The following CACNA1E variants were observed in gnomAD, a reference collection of about 807,000 sequenced individuals.
The protein encoded by CACNA1E is calcium voltage-gated channel subunit alpha1 E, also known as voltage-dependent R-type calcium channel subunit alpha-1E.
In CACNA1E, 40 loss-of-function variants were observed where a neutral mutation model predicts 259.2. The observed-to-expected ratio is 0.15, with a 90% CI of 0.12 to 0.20. The LOEUF (loss-of-function observed/expected upper bound fraction) is 0.20, where lower values mean the gene tolerates loss of function less well. Among genes scored for constraint, CACNA1E ranks in the 10% least tolerant of loss-of-function variants. The probability of loss-of-function intolerance (pLI) is 1.00; values close to 1 mark genes in which losing one functional copy is unlikely to be tolerated. For missense variants in CACNA1E, 1,874 were observed against 3,040.1 expected, an observed-to-expected ratio of 0.62 and a Z score of 9.02; for synonymous variants, 1,104 against 1,138.5, an observed-to-expected ratio of 0.97 and a Z score of 0.61.
At chr1:181,425,622 T>C (rs757781520) in intron 2 of CACNA1E, among the ~76,000 whole-genome samples, 8 of 136,632 alleles carry the variant, frequency 5.9e-5, no homozygotes, top group Non-Finnish European at 1.2e-4. Context: ...TAACTTCTCA[T>C]TGAAGGTGCA....
At chr1:181,759,802 G>A (rs556100251) in intron 32 of CACNA1E, among the ~76,000 whole-genome samples, 41 of 152,228 alleles carry the variant, frequency 2.7e-4, no homozygotes, top group Non-Finnish European at 5.6e-4. Flanking sequence ...ATAAGTGTTT[G>A]TCTGGTAGCA....
chr1:181,362,849 C>T (rs1056690452), intron 1 of CACNA1E, among the ~76,000 whole-genome samples: 8 of 152,224 alleles, frequency 5.3e-5, no homozygotes, highest in Non-Finnish European at 1.2e-4. Context: ...GTTTTACAGA[C>T]TTGTTTGCAG....
intron 3 of CACNA1E, among the ~76,000 whole-genome samples, chr1:181,545,373 A>G (rs1647330872): frequency 6.6e-6 from 1 of 152,208 alleles, no homozygotes; most frequent in Non-Finnish European, 1.5e-5. Context: ...ATTTTGTCAT[A>G]CTTGGCATTT....
chr1:181,644,070 C>T (rs1658045205), intron 6 of CACNA1E, among the ~76,000 whole-genome samples: 1 of 152,176 alleles, frequency 6.6e-6, no homozygotes, highest in African/African-American at 2.4e-5. Context: ...ATTCTTTCCC[C>T]TGCTCCCCAA....
chr1:181,756,181 C>T (rs552653183), intron 29 of CACNA1E, 88 bp downstream of exon 29: 96 of 1,287,698 alleles, frequency 7.5e-5, no homozygotes, highest in East Asian at 7.3e-4. Context: ...ACAAGGCTCA[C>T]GCTTTGTTAT....
chr1:181,792,285 A>C (rs975161511), intron 44 of CACNA1E, among the ~76,000 whole-genome samples: 1 of 152,090 alleles, frequency 6.6e-6, no homozygotes, highest in African/African-American at 2.4e-5. Flanking sequence ...GACTTTTTGG[A>C]TATGTGTTCA....
chr1:181,616,118 G>C (rs907156243), intron 6 of CACNA1E, among the ~76,000 whole-genome samples: 1 of 152,006 alleles, frequency 6.6e-6, no homozygotes, highest in East Asian at 1.9e-4. Flanking sequence ...TTTTACGATT[G>C]CATTATCTGT....
intron 6 of CACNA1E, among the ~76,000 whole-genome samples, chr1:181,606,962 A>C (rs377730847): frequency 6.6e-6 from 1 of 151,920 alleles, no homozygotes; most frequent in Non-Finnish European, 1.5e-5. Context: ...CAGAAATCAC[A>C]CTCATGACCC....
chr1:181,518,339 C>T (rs550829326), intron 3 of CACNA1E, among the ~76,000 whole-genome samples: 15 of 151,940 alleles, frequency 9.9e-5, no homozygotes, highest in Non-Finnish European at 2.1e-4. Context: ...GCTCCTCTGA[C>T]AGATCTCCAC....
intron 1 of CACNA1E, among the ~76,000 whole-genome samples, chr1:181,321,856 C>A (rs566320010): frequency 1.3e-5 from 2 of 152,280 alleles, no homozygotes; most frequent in South Asian, 4.1e-4. Context: ...AAATCGGTAA[C>A]CTAGTTGGGC....
At chr1:181,325,689 G>A (rs1650724989) in intron 1 of CACNA1E, among the ~76,000 whole-genome samples, 1 of 150,122 alleles carries the variant, frequency 6.7e-6, no homozygotes, top group East Asian at 1.9e-4. Context: ...TTATTTTATT[G>A]AATTATTTTT....
At chr1:181,584,670 C>T (rs1468385343) in intron 6 of CACNA1E, among the ~76,000 whole-genome samples, 1 of 152,218 alleles carries the variant, frequency 6.6e-6, no homozygotes, top group Admixed American at 6.5e-5. Flanking sequence ...CTACCATTCT[C>T]TTTATGAAGT....
intron 1 of CACNA1E, among the ~76,000 whole-genome samples, chr1:181,496,883 A>G (rs1664797591): frequency 6.6e-6 from 1 of 152,188 alleles, no homozygotes; most frequent in Non-Finnish European, 1.5e-5. Flanking sequence ...TAACTGAGCC[A>G]TATGGATGCA....
At chr1:181,691,028 A>C (rs1299784506) in intron 7 of CACNA1E, among the ~76,000 whole-genome samples, 2 of 151,938 alleles carry the variant, frequency 1.3e-5, no homozygotes, top group Non-Finnish European at 2.9e-5. Flanking sequence ...TGAATATTTC[A>C]TTCTTGAAAA....
intron 1 of CACNA1E, among the ~76,000 whole-genome samples, chr1:181,324,616 G>A (rs1650628089): frequency 6.6e-6 from 1 of 152,148 alleles, no homozygotes; most frequent in African/African-American, 2.4e-5. Context: ...TGTAAATCGG[G>A]AGTTCAAAGG....
intron 1 of CACNA1E, 85 bp downstream of exon 1, chr1:181,484,095 C>CCTT: frequency 1.5e-6 from 2 of 1,351,248 alleles, no homozygotes; most frequent in Non-Finnish European, 2.1e-6. Flanking sequence ...AATGTATCCC[C>CCTT]CACCCCTTCC....
chr1:181,323,602 A>G (rs2102568481), intron 1 of CACNA1E, among the ~76,000 whole-genome samples: 1 of 152,218 alleles, frequency 6.6e-6, no homozygotes, highest in Non-Finnish European at 1.5e-5. Context: ...TTTGTTTGCT[A>G]TATTTACTGA....
At chr1:181,680,727 A>G (rs1190217512) in intron 7 of CACNA1E, among the ~76,000 whole-genome samples, 10 of 152,164 alleles carry the variant, frequency 6.6e-5, no homozygotes, top group Non-Finnish European at 1.3e-4. Context: ...GTGGTCTCTC[A>G]GCCTTGAAGC....
chr1:181,628,907 C>CT (rs1656448625), intron 6 of CACNA1E, among the ~76,000 whole-genome samples: 1 of 152,120 alleles, frequency 6.6e-6, no homozygotes, highest in Non-Finnish European at 1.5e-5. Flanking sequence ...ATTTTCTTGC[C>CT]TTTTTTTCTT....
Sources: gnomAD v4.1 joint callset for allele counts (sites outside exome capture counted in the v4.1 genomes callset) on GRCh38, gnomAD v4.1.1 for gene constraint, MANE v1.5 for transcripts, NCBI Gene and HGNC (gene_info 2026-07-23, HGNC 2026-07-21) for gene names.